Variants in ATXN2 observed in about 807,000 individuals in gnomAD.
The protein encoded by ATXN2 is ataxin-2.
In ATXN2, 37 loss-of-function variants were observed where a neutral mutation model predicts 138.6. The ratio of observed to expected loss-of-function variants is 0.27; its 90% CI spans 0.21 to 0.35. ATXN2 has a LOEUF of 0.35. Ranked by LOEUF, ATXN2 falls within the 10% of genes least tolerant of loss-of-function variation. The pLI, the probability that ATXN2 is intolerant of heterozygous loss-of-function variation, is 1.00. For synonymous variants in ATXN2, 549 were observed against 543.7 expected, an observed-to-expected ratio of 1.01 and a Z score of -0.13; for missense variants, 1,216 against 1,480.3, an observed-to-expected ratio of 0.82 and a Z score of 2.93.
chr12:111,460,071 G>A lies in ATXN2; in HGVS notation c.2897-2712C>T, dbSNP rs542289092. Among the ~76,000 whole-genome samples, 20 of 152,074 alleles carry A rather than the reference G, an allele frequency of 1.3e-4. No homozygotes were observed. In the South Asian group the frequency reaches 4.2e-3, roughly 32 times the overall value. On this transcript the variant is annotated intron_variant, in intron 21 of 24. Transcript: ENST00000673436. ...CCACATGTAGCTAAGTAGCTAATAC[G>A]GTGGACAGTGCAGTTTTGTTGTTGT...
At chr12:111,475,772 A>G (rs550573085) in intron 18 of ATXN2, among the ~76,000 whole-genome samples, 2 of 152,304 alleles carry the variant, frequency 1.3e-5, no homozygotes, top group South Asian at 4.2e-4. Context: ...TCTGAAAAAA[A>G]AAATCAATGT....
chr12:111,535,088 T>G (rs1332140584), intron 5 of ATXN2, among the ~76,000 whole-genome samples: 6 of 152,206 alleles, frequency 3.9e-5, no homozygotes, highest in Non-Finnish European at 8.8e-5. Flanking sequence ...ATGGCGCCAC[T>G]GCATTCTAGT....
intron 1 of ATXN2, among the ~76,000 whole-genome samples, chr12:111,582,222 T>TCA (rs1884045207): frequency 1.3e-5 from 2 of 152,066 alleles, no homozygotes; most frequent in Admixed American, 6.6e-5. Context: ...GGCGGGCAGA[T>TCA]CACTTGAGCT....
At chr12:111,522,319 T>C (rs1238314727) in intron 6 of ATXN2, among the ~76,000 whole-genome samples, 1 of 151,768 alleles carries the variant, frequency 6.6e-6, no homozygotes, top group African/African-American at 2.4e-5. Context: ...TAACTACTAT[T>C]AAGAGTTCTG....
chr12:111,548,804 T>C (rs1881972627), intron 5 of ATXN2, among the ~76,000 whole-genome samples: 1 of 152,134 alleles, frequency 6.6e-6, no homozygotes, highest in Admixed American at 6.6e-5. Flanking sequence ...TCGCAATCTC[T>C]GCCTCCCGGG....
At chr12:111,501,312 T>C (rs981108607) in intron 14 of ATXN2, among the ~76,000 whole-genome samples, 5 of 151,984 alleles carry the variant, frequency 3.3e-5, no homozygotes, top group Non-Finnish European at 7.4e-5. Context: ...TGGCATCCTC[T>C]ACAAAAGAAA....
chr12:111,565,241 T>C (rs1187515407), intron 1 of ATXN2, among the ~76,000 whole-genome samples: 3 of 152,190 alleles, frequency 2.0e-5, no homozygotes, highest in South Asian at 2.1e-4. Flanking sequence ...CTTTGCTTTA[T>C]TGAAATTCAC....
In ATXN2 at chr12:111,520,938, A is replaced by G. The variant is rs745480625; in HGVS notation, c.732T>C (p.Tyr244=). 6.3e-7 allele frequency: 1 copy of G among 1,596,228 alleles called. No individual in the cohort carries two copies. Among genetic ancestry groups the G allele is most frequent in the Middle Eastern group, 1.7e-4 (1 of 6,036 alleles). ...NGWDPNDMFR[Y]NEENYGVVST... is the part of the protein sequence containing the mutation. ...ACACTACACCATAATTTTCTTCATT[A>G]TATCGAAACATATCATTGGGATCCC... is the stretch of plus-strand genomic sequence containing the variant. The change falls in exon 7 of 25, where the codon TAT becomes TAC. Residue 244 remains tyrosine, a synonymous_variant. Coordinates refer to ENST00000673436, the MANE Select transcript of ATXN2 (RefSeq NM_001372574.1).
At chr12:111,554,095 A>C (rs1882265052) in intron 3 of ATXN2, 63 bp downstream of exon 3, 7 of 1,095,002 alleles carry the variant, frequency 6.4e-6, no homozygotes, top group Non-Finnish European at 9.1e-6. Flanking sequence ...CCACATTTTA[A>C]CTTCATGGAA....
intron 1 of ATXN2, among the ~76,000 whole-genome samples, chr12:111,576,688 G>A (rs1432088062): frequency 6.6e-6 from 1 of 151,690 alleles, no homozygotes; most frequent in Non-Finnish European, 1.5e-5. Flanking sequence ...GGCCAGGTGT[G>A]GTGGCTCACG....
chr12:111,467,881 G>A (rs1004167930), intron 20 of ATXN2, among the ~76,000 whole-genome samples: 6 of 152,230 alleles, frequency 3.9e-5, no homozygotes, highest in South Asian at 2.1e-4. Flanking sequence ...GAAGCCAGAT[G>A]TTGGCAGTGA....
rs9805034 is a variant in ATXN2 at position 111,535,925 on chromosome 12, A to G, written c.572-10609T>C. Among the ~76,000 whole-genome samples the G allele has an allele frequency of 4.8e-5, 7 of 146,078 alleles. 1 individual carries two copies. Among genetic ancestry groups the G allele is most frequent in the Admixed American group, 2.7e-4 (4 of 14,638 alleles). On this transcript the variant is annotated intron_variant, in intron 5 of 24. Coordinates refer to ENST00000673436, the MANE Select transcript of ATXN2 (RefSeq NM_001372574.1). ...TGAGGCAGGAGAATGGCGTGAACCC[A>G]GGAGGCGGAGCTTGCAGTGAGCCGA...
intron 18 of ATXN2, among the ~76,000 whole-genome samples, chr12:111,480,552 G>C (rs1877156529): frequency 6.6e-6 from 1 of 152,150 alleles, no homozygotes; most frequent in Admixed American, 6.6e-5. Flanking sequence ...GCGCACCCCT[G>C]TAATTCCAGC....
intron 20 of ATXN2, among the ~76,000 whole-genome samples, chr12:111,467,541 T>C (rs1014902798): frequency 1.3e-5 from 2 of 152,064 alleles, no homozygotes; most frequent in African/African-American, 4.8e-5. Context: ...GCCTTGCTCC[T>C]AGCCTGCCTC....
intron 1 of ATXN2, among the ~76,000 whole-genome samples, chr12:111,566,448 G>GA (rs112642968): frequency 0.4 from 51,368 of 129,936 alleles, 12,806 homozygotes; most frequent in East Asian, 0.89. Flanking sequence ...CAAAAAAAAA[G>GA]AAAAAAAAAA....
intron 6 of ATXN2, among the ~76,000 whole-genome samples, chr12:111,522,614 G>GA (rs1210976078): frequency 1.8e-4 from 25 of 141,478 alleles, no homozygotes; most frequent in Non-Finnish European, 2.8e-4. Context: ...CATCTTAAAA[G>GA]AAAAAAAAAG....
chr12:111,577,187 A>G (rs1019164125), intron 1 of ATXN2, among the ~76,000 whole-genome samples: 17 of 152,186 alleles, frequency 1.1e-4, no homozygotes, highest in African/African-American at 3.4e-4. Flanking sequence ...CTCTAAATCT[A>G]GAAGGAAGAT....
chr12:111,521,223 A>G (rs1297959429), intron 6 of ATXN2, among the ~76,000 whole-genome samples: 1 of 152,232 alleles, frequency 6.6e-6, no homozygotes, highest in Non-Finnish European at 1.5e-5. Flanking sequence ...TAATTACTTC[A>G]TAAAATAGCC....
intron 23 of ATXN2, chr12:111,455,108 C>A: frequency 7.1e-6 from 5 of 703,012 alleles, no homozygotes; most frequent in Non-Finnish European, 1.3e-5. Flanking sequence ...TTGCCAGAGC[C>A]TCACTGGCGC....
Sources: gnomAD v4.1 joint callset for allele counts (sites outside exome capture counted in the v4.1 genomes callset) on GRCh38, gnomAD v4.1.1 for gene constraint, MANE v1.5 for transcripts, NCBI Gene and HGNC (gene_info 2026-07-23, HGNC 2026-07-21) for gene names.